Variants in KCNQ2 observed in about 807,000 individuals in gnomAD.
KCNQ2 encodes potassium voltage-gated channel subfamily Q member 2.
In KCNQ2, 14 loss-of-function variants were observed where a neutral mutation model predicts 84.8. That is an observed-to-expected ratio of 0.17 (90% CI 0.11 to 0.26). KCNQ2 has a LOEUF of 0.26. Ranked by LOEUF, KCNQ2 falls within the 10% of genes least tolerant of loss-of-function variation. KCNQ2 has a pLI of 1.00. For missense variants in KCNQ2, 788 were observed against 1,254.0 expected (o/e 0.63, Z 5.61); for synonymous variants, 599 against 554.1 (o/e 1.08, Z -1.14).
In KCNQ2 at chr20:63,410,942, A is replaced by G. The variant is rs146623596; in HGVS notation, c.1764-2406T>C. The G allele has an allele frequency of 2.4e-4, 109 of 446,966 alleles. No homozygotes were observed. The East Asian group carries it at 7.5e-3, about 31-fold the overall frequency. 27.7% of individuals were successfully genotyped at this position (446,966 alleles called of 1,614,324 possible). ...CAGCCAATCAGACTTGCCAGAAGAC[A>G]GGGAACCACCGTCATCTGAATAGTC... is the stretch of plus-strand genomic sequence containing the variant. On this transcript the variant is annotated intron_variant, in intron 15 of 16. Transcript: ENST00000359125.
rs150482636 is a variant in KCNQ2, at chr20:63,409,676, T to G, written c.1764-1140A>C. ...GGACTGGGGCCTGGTACATGAAGACTGCCCCACACCAGCCGACGGGGCCAA... is the reference window on the plus strand; with the variant it reads ...GGACTGGGGCCTGGTACATGAAGACGGCCCCACACCAGCCGACGGGGCCAA... On this transcript the variant is annotated intron_variant, in intron 15 of 16. Transcript: ENST00000359125. Among the ~76,000 whole-genome samples the G allele has an allele frequency of 2.8e-3, 432 of 152,324 alleles. 3 individuals are homozygous for G. Among genetic ancestry groups the G allele is most frequent in the African/African-American group, 0.01 (417 of 41,580 alleles).
chr20:63,407,267 G>A lies in KCNQ2; in HGVS notation c.1996C>T (p.Pro666Ser). Residue 666 changes from proline to serine, a missense_variant, in exon 17 of 17, where the codon CCG becomes TCG. Pro to Ser is a moderately conservative substitution (Grantham distance 74, BLOSUM62 -1). This residue lies in a region of KCNQ2 where 378 missense variants were observed against 434.5 expected (regional missense o/e 0.87). Coordinates refer to ENST00000359125, the MANE Select transcript of KCNQ2 (RefSeq NM_172107.4). The surrounding 1 kb of genome is among the most constrained non-coding windows in gnomAD (Gnocchi z 7.2). The part of the protein sequence containing the change: ...EAYFGAKEPE[P>S]APPYHSPEDS... ...TCCGGGCTGTGGTACGGCGGCGCCG[G>A]CTCCGGCTCTTTGGCCCCAAAGTAG... The A allele has an allele frequency of 1.9e-6, 3 of 1,596,878 alleles. No individual in the cohort carries two copies. The highest frequency in any genetic ancestry group is 2.5e-6 in the Non-Finnish European group (3 of 1,177,296).
intron 1 of KCNQ2, among the ~76,000 whole-genome samples, chr20:63,468,873 C>G (rs984203616): frequency 1.3e-5 from 2 of 152,238 alleles, no homozygotes; most frequent in African/African-American, 4.8e-5. Flanking sequence ...TGGGACCCCC[C>G]CTTTCAGTTA....
intron 12 of KCNQ2, among the ~76,000 whole-genome samples, chr20:63,418,177 C>T (rs2080356787): frequency 6.6e-6 from 1 of 152,220 alleles, no homozygotes; most frequent in Non-Finnish European, 1.5e-5. Context: ...GGCCCTCCCT[C>T]GGCCACAAGC....
At chr20:63,436,533 A>C (rs1430349107) in intron 7 of KCNQ2, among the ~76,000 whole-genome samples, 1 of 151,220 alleles carries the variant, frequency 6.6e-6, no homozygotes, top group African/African-American at 2.4e-5. Flanking sequence ...TCCGTCTCAA[A>C]AAAAAAAAAA....
In KCNQ2 at chr20:63,460,335, A is replaced by G. The variant is rs1365708822; in HGVS notation, c.296+11833T>C. Among the ~76,000 whole-genome samples the G allele has an allele frequency of 2.6e-5, 4 of 152,040 alleles. No homozygotes were observed. The highest frequency in any genetic ancestry group is 1.3e-4 in the Admixed American group (2 of 15,280). ...TCAACAAGGGGGCTCCTCCTGAGAC[A>G]TCCCACACTCCCTTCATGGGCTCAA... On this transcript the variant is annotated intron_variant, in intron 1 of 16. Coordinates refer to ENST00000359125, the MANE Select transcript of KCNQ2 (RefSeq NM_172107.4). The surrounding 1 kb of genome is among the most constrained non-coding windows in gnomAD (Gnocchi z 5.4).
chr20:63,443,790 C>T (rs929806820), intron 4 of KCNQ2: 1 of 152,262 alleles, frequency 6.6e-6, no homozygotes, highest in Non-Finnish European at 1.5e-5. Context: ...CTGGCTTCAC[C>T]ATCTTAGCTA....
chr20:63,445,009 C>T (rs1439637875), intron 3 of KCNQ2, among the ~76,000 whole-genome samples, 175 bp from the exon 4 acceptor site: 2 of 152,244 alleles, frequency 1.3e-5, no homozygotes, highest in Non-Finnish European at 2.9e-5. Flanking sequence ...TCCACCCTGC[C>T]TGTGGGGCCC....
At chr20:63,423,911 T>TGG in intron 11 of KCNQ2, 1 of 463,444 alleles carries the variant, frequency 2.2e-6, no homozygotes, top group Non-Finnish European at 3.9e-6. Context: ...GGGTGGGGGA[T>TGG]CCCCCACCCC....
At position 63,416,629 on chromosome 20, in the gene KCNQ2, A is replaced by G. The variant is rs1424591747; in HGVS notation, c.1302-1503T>C. On this transcript the variant is annotated intron_variant, in intron 12 of 16. Transcript: ENST00000359125. ...GGGAGGCCCCGCAGATCCCTGACACACTTCAGAGAGGAAGCCCAGTGCCTC... is the reference window on the plus strand; with the variant it reads ...GGGAGGCCCCGCAGATCCCTGACACGCTTCAGAGAGGAAGCCCAGTGCCTC... Among the ~76,000 whole-genome samples the G allele has an allele frequency of 2.6e-5, 4 of 151,992 alleles. No individual in the cohort carries two copies. In the East Asian group the frequency reaches 7.7e-4, roughly 29 times the overall value.
Position 63,438,650 on chromosome 20 carries a change from C to T in KCNQ2, c.998G>A (p.Arg333Gln), listed in dbSNP as rs118192216. ...QHRQKHFEKR[R>Q]NPAAGLIQSA... ...CTGGATCAGGCCTGCTGCCGGGTTCCGCCTCTTCTCAAAGTGCTTCTGCCT... is the reference window on the plus strand; with the variant it reads ...CTGGATCAGGCCTGCTGCCGGGTTCTGCCTCTTCTCAAAGTGCTTCTGCCT... The change falls in exon 7 of 17, where the codon CGG becomes CAG. Residue 333 changes from arginine to glutamine, a missense_variant. Transcript: ENST00000359125. The surrounding 1 kb of genome is among the most constrained non-coding windows in gnomAD (Gnocchi z 5.1). 6.2e-7 allele frequency: 1 copy of T among 1,613,742 alleles called. No individual in the cohort carries two copies. The highest frequency in any genetic ancestry group is 8.5e-7 in the Non-Finnish European group (1 of 1,179,990).
chr20:63,411,711 T>C (rs1027064180), intron 15 of KCNQ2: 3 of 568,866 alleles, frequency 5.3e-6, no homozygotes, highest in African/African-American at 4.0e-5. Flanking sequence ...GCTGCCGTCA[T>C]GTGGCCTGGA....
Position 63,408,396 on chromosome 20 carries a change from C to T in KCNQ2, c.1887+17G>A, listed in dbSNP as rs369457896. On this transcript the variant is annotated intron_variant, in intron 16 of 16. Coordinates refer to ENST00000359125, the MANE Select transcript of KCNQ2 (RefSeq NM_172107.4). The surrounding 1 kb of genome is among the most constrained non-coding windows in gnomAD (Gnocchi z 5.0). ...CAGCCCTCCAGCCCCGCACCCCTCC[C>T]GCCCAGCCTCTCGCACCTGCTTCTC... is the stretch of plus-strand genomic sequence containing the variant. 1.7e-4 allele frequency: 269 copies of T among 1,605,460 alleles called. No homozygotes were observed. In the African/African-American group the frequency reaches 3.1e-3, roughly 19 times the overall value.
chr20:63,454,608 G>A (rs1311606852), intron 1 of KCNQ2, among the ~76,000 whole-genome samples: 1 of 152,260 alleles, frequency 6.6e-6, no homozygotes, highest in Non-Finnish European at 1.5e-5. Flanking sequence ...AGACACAGGG[G>A]CTTCCAGGCC....
In KCNQ2 at chr20:63,425,329, A is replaced by G. The variant is rs531799786; in HGVS notation, c.1218-1123T>C. 3.9e-5 allele frequency among the ~76,000 whole-genome samples: 6 copies of G among 151,938 alleles called. No individual in the cohort carries two copies. The highest frequency in any genetic ancestry group is 8.8e-5 in the Non-Finnish European group (6 of 67,976). On this transcript the variant is annotated intron_variant, in intron 10 of 16. Coordinates refer to ENST00000359125, the MANE Select transcript of KCNQ2 (RefSeq NM_172107.4). The surrounding 1 kb of genome is among the most constrained non-coding windows in gnomAD (Gnocchi z 5.5). ...GCATTCCCCCGACCCCCCAAAATTC[A>G]TGTCCATCTTACATCGAGAATACAC...
At chr20:63,455,710 G>A (rs920818225) in intron 1 of KCNQ2, among the ~76,000 whole-genome samples, 1 of 151,756 alleles carries the variant, frequency 6.6e-6, no homozygotes, top group African/African-American at 2.4e-5. Flanking sequence ...CACAGTCCTG[G>A]GGCCCCCACG....
rs2080591913 is a variant in KCNQ2, at chr20:63,425,219, T to C, written c.1218-1013A>G. ...ATGACCTCATCTCAAGATCCCAAGC[T>C]CAGTTACAGCTGCAAGGACCCTTTC... is the stretch of plus-strand genomic sequence containing the variant. On this transcript the variant is annotated intron_variant, in intron 10 of 16. Coordinates refer to ENST00000359125, the MANE Select transcript of KCNQ2 (RefSeq NM_172107.4). This position sits in a 1 kb window ranked among gnomAD's most constrained non-coding sequence, Gnocchi z 5.5. Among the ~76,000 whole-genome samples, 1 of 152,122 alleles carries C rather than the reference T, an allele frequency of 6.6e-6. No individual in the cohort carries two copies. Among genetic ancestry groups the C allele is most frequent in the African/African-American group, 2.4e-5 (1 of 41,402 alleles).
rs1225407550 is a variant in KCNQ2, at chr20:63,414,232, C to G, written c.1526-39G>C. ...GACAGGCCGTGAGGGGCCGAGGGGG[C>G]CGGGAGACCTATTCCCGGGGTCCTG... On this transcript the variant is annotated intron_variant, in intron 13 of 16. Coordinates refer to ENST00000359125, the MANE Select transcript of KCNQ2 (RefSeq NM_172107.4). This position sits in a 1 kb window ranked among gnomAD's most constrained non-coding sequence, Gnocchi z 6.6. 6.9e-7 allele frequency: 1 copy of G among 1,458,220 alleles called. No homozygotes were observed. Among genetic ancestry groups the G allele is most frequent in the African/African-American group, 1.4e-5 (1 of 71,872 alleles). The allele number at this position is 1,458,220 out of a possible 1,614,324, so 90.3% of individuals were successfully genotyped here.
At chr20:63,449,784 T>C (rs2081551474) in intron 1 of KCNQ2, among the ~76,000 whole-genome samples, 1 of 151,080 alleles carries the variant, frequency 6.6e-6, no homozygotes, top group African/African-American at 2.4e-5. Flanking sequence ...TCTCAGACTT[T>C]TGGCCGCGGA....
Sources: allele counts gnomAD v4.1 joint callset (sites outside exome capture counted in the v4.1 genomes callset), GRCh38; gene constraint gnomAD v4.1.1; regional missense constraint gnomAD v4.1.1; non-coding constraint Gnocchi (gnomAD v3.1); transcripts MANE v1.5; gene names NCBI Gene and HGNC (gene_info 2026-07-23, HGNC 2026-07-21).